Variants in FOCAD observed in about 807,000 individuals in gnomAD.
The protein encoded by FOCAD is KIAA1797.
In FOCAD, 198 loss-of-function variants were observed where a neutral mutation model predicts 225.6. The observed-to-expected ratio is 0.88, with a 90% confidence interval of 0.78 to 0.99. The LOEUF (loss-of-function observed/expected upper bound fraction) is 0.99, where lower values mean the gene tolerates loss of function less well. Ranked by LOEUF, FOCAD falls within the 50% of genes least tolerant of loss-of-function variation. The probability of loss-of-function intolerance (pLI) is 0.00; values close to 1 mark genes in which losing one functional copy is unlikely to be tolerated. For synonymous variants in FOCAD, 897 were observed against 755.0 expected (o/e 1.19, Z -3.08); for missense variants, 2,713 against 2,123.6 (o/e 1.28, Z -5.46).
rs532130681 is a variant in FOCAD, at chr9:20,739,375, A to G, written c.288-861A>G. ...TCCCAGCACTTTGGGAGGCTGAGGCAGGCGGGTCACCTAAGGTCAGGAGTT... is the reference window on the plus strand; with the variant it reads ...TCCCAGCACTTTGGGAGGCTGAGGCGGGCGGGTCACCTAAGGTCAGGAGTT... On this transcript the variant is annotated intron_variant, in intron 4 of 43. Transcript: ENST00000338382. 9.8e-5 allele frequency among the ~76,000 whole-genome samples: 15 copies of G among 152,308 alleles called. No individual in the cohort carries two copies. The East Asian group carries it at 2.7e-3, about 27-fold the overall frequency.
chr9:20,840,684 A>T (rs1370095817), intron 15 of FOCAD, among the ~76,000 whole-genome samples: 1 of 151,678 alleles, frequency 6.6e-6, no homozygotes, highest in Non-Finnish European at 1.5e-5. Flanking sequence ...AAAATAAGGT[A>T]ATTTGACTTC....
At chr9:20,966,636 G>C (rs1334895803) in intron 35 of FOCAD, among the ~76,000 whole-genome samples, 1 of 152,058 alleles carries the variant, frequency 6.6e-6, no homozygotes, top group South Asian at 2.1e-4. Flanking sequence ...CTAGGAGTTT[G>C]ATTGGTTTAG....
At chr9:20,954,246 A>G (rs1250589409) in intron 35 of FOCAD, among the ~76,000 whole-genome samples, 1 of 152,234 alleles carries the variant, frequency 6.6e-6, no homozygotes, top group African/African-American at 2.4e-5. Flanking sequence ...ATGTTACCAT[A>G]AATTAAGTCT....
At chr9:20,722,962 A>T (rs971300964) in intron 4 of FOCAD, among the ~76,000 whole-genome samples, 1 of 152,190 alleles carries the variant, frequency 6.6e-6, no homozygotes, top group Non-Finnish European at 1.5e-5. Flanking sequence ...CATGGGGCCA[A>T]TGTAGTATCT....
chr9:20,898,032 CCT>C (rs1832246545), intron 21 of FOCAD, among the ~76,000 whole-genome samples: 1 of 151,688 alleles, frequency 6.6e-6, no homozygotes, highest in Non-Finnish European at 1.5e-5. Flanking sequence ...TTGTAATTTT[CCT>C]CTCTCAGCAC....
chr9:20,849,737 A>G (rs1827465810), intron 15 of FOCAD, among the ~76,000 whole-genome samples: 1 of 151,910 alleles, frequency 6.6e-6, no homozygotes, highest in Admixed American at 6.6e-5. Context: ...ACATGTCCAG[A>G]TCTTCAACTT....
intron 19 of FOCAD, among the ~76,000 whole-genome samples, chr9:20,877,349 A>G (rs1830314383): frequency 6.6e-6 from 1 of 152,336 alleles, no homozygotes; most frequent in East Asian, 1.9e-4. Flanking sequence ...CAAAAATGTA[A>G]TTCTAGAAAA....
chr9:20,970,813 A>G (rs1839698584), intron 35 of FOCAD, among the ~76,000 whole-genome samples: 1 of 152,176 alleles, frequency 6.6e-6, no homozygotes, highest in Admixed American at 6.5e-5. Context: ...TATTCCAAGA[A>G]TAAAACAAAA....
chr9:20,957,922 T>C (rs950107099), intron 35 of FOCAD, among the ~76,000 whole-genome samples: 1 of 152,016 alleles, frequency 6.6e-6, no homozygotes, highest in Admixed American at 6.6e-5. Context: ...ACTATAGGGA[T>C]GGCCAGGCCT....
At chr9:20,737,630 T>C (rs1827255725) in intron 4 of FOCAD, among the ~76,000 whole-genome samples, 2 of 152,186 alleles carry the variant, frequency 1.3e-5, no homozygotes, top group Admixed American at 1.3e-4. Context: ...AGTGACTCTT[T>C]CTCCAGGACA....
intron 1 of FOCAD, among the ~76,000 whole-genome samples, chr9:20,690,211 C>T (rs1158689719): frequency 6.6e-6 from 1 of 152,194 alleles, no homozygotes; most frequent in African/African-American, 2.4e-5. Flanking sequence ...GACAGCGCCT[C>T]ACTTATGCAC....
chr9:20,870,388 G>C (rs1587458542), intron 18 of FOCAD, among the ~76,000 whole-genome samples: 1 of 152,144 alleles, frequency 6.6e-6, no homozygotes, highest in South Asian at 2.1e-4. Flanking sequence ...ATAGGTTACA[G>C]ACACAGAAAG....
At chr9:20,924,635 T>G (rs1223502263) in intron 25 of FOCAD, among the ~76,000 whole-genome samples, 1 of 152,214 alleles carries the variant, frequency 6.6e-6, no homozygotes, top group Non-Finnish European at 1.5e-5. Context: ...GCTATCTGTA[T>G]TCTTTTTTTG....
intron 23 of FOCAD, 113 bp from the exon 24 acceptor site, chr9:20,916,780 T>C: frequency 2.2e-6 from 2 of 899,334 alleles, no homozygotes; most frequent in Non-Finnish European, 3.4e-6. Flanking sequence ...TCTACCTGTA[T>C]AGTTTTAAGA....
intron 2 of FOCAD, among the ~76,000 whole-genome samples, chr9:20,668,508 G>A (rs1021422359): frequency 1.3e-5 from 2 of 152,102 alleles, no homozygotes; most frequent in African/African-American, 4.8e-5. Context: ...TTTATGTTCT[G>A]ATATCAGGCA....
At chr9:20,679,683 G>A (rs1287516240), upstream of FOCAD, among the ~76,000 whole-genome samples, 1 of 152,098 alleles carries the variant, frequency 6.6e-6, no homozygotes, top group East Asian at 1.9e-4. Flanking sequence ...CTACTTCAGT[G>A]GAAATAATAC....
intron 6 of FOCAD, among the ~76,000 whole-genome samples, chr9:20,763,758 C>CA (rs1829816405): frequency 6.6e-6 from 1 of 152,144 alleles, no homozygotes; most frequent in African/African-American, 2.4e-5. Flanking sequence ...GAAAGATAAA[C>CA]AGAGGCCAAA....
At chr9:20,913,986 T>C (rs926789356) in intron 23 of FOCAD, among the ~76,000 whole-genome samples, 4 of 151,970 alleles carry the variant, frequency 2.6e-5, no homozygotes, top group African/African-American at 9.7e-5. Context: ...TGATTTCGGC[T>C]GGATGTGGTG....
intron 11 of FOCAD, among the ~76,000 whole-genome samples, chr9:20,813,122 G>A (rs1031021317): frequency 6.6e-6 from 1 of 151,990 alleles, no homozygotes; most frequent in Non-Finnish European, 1.5e-5. Flanking sequence ...TGCAGTATTC[G>A]TCCTTCCGTG....
Sources: allele counts gnomAD v4.1 joint callset (sites outside exome capture counted in the v4.1 genomes callset), GRCh38; gene constraint gnomAD v4.1.1; transcripts MANE v1.5; gene names NCBI Gene and HGNC (gene_info 2026-07-23, HGNC 2026-07-21).